The following CFAP61 variants were observed in gnomAD, a reference collection of about 807,000 sequenced individuals.
CFAP61 encodes cilia and flagella associated protein 61, also known as cilia- and flagella-associated protein 61.
Under a neutral mutation model 135.6 loss-of-function variants are expected in CFAP61, and 107 were observed. That is an observed-to-expected ratio of 0.79 (90% CI 0.67 to 0.93). CFAP61 has a LOEUF of 0.93. CFAP61 is among the 40% of genes least tolerant of loss of function. CFAP61 has a pLI of 0.00. For synonymous variants in CFAP61, 575 were observed against 578.5 expected, an observed-to-expected ratio of 0.99 and a Z score of 0.09; for missense variants, 1,507 against 1,556.2, an observed-to-expected ratio of 0.97 and a Z score of 0.53.
rs899400600 is a variant in CFAP61 at position 20,165,038 on chromosome 20, C to A, written c.1205+810C>A. On this transcript the variant is annotated intron_variant, in intron 11 of 26. Transcript: ENST00000245957. ...CTCCCACAGGGTCCCTCCCACAACA[C>A]GTGGGAATTATGGGAGCTACAATTC... Among the ~76,000 whole-genome samples, 4 of 152,152 alleles carry A rather than the reference C, an allele frequency of 2.6e-5. No homozygotes were observed. In the East Asian group the frequency reaches 7.7e-4, roughly 29 times the overall value.
intron 17 of CFAP61, among the ~76,000 whole-genome samples, chr20:20,200,402 A>T (rs752111406): frequency 6.6e-6 from 1 of 152,204 alleles, no homozygotes; most frequent in African/African-American, 2.4e-5. Context: ...ACAGAAGCAT[A>T]TGAGCTGCCC....
Position 20,074,378 on chromosome 20 carries a change from G to A in CFAP61, c.371G>A (p.Arg124Gln), listed in dbSNP as rs142713608. The change falls in exon 4 of 27, where the codon CGA becomes CAA. Residue 124 changes from arginine (R) to glutamine (Q), a missense_variant and splice_region_variant. Arg to Gln is a conservative substitution (Grantham distance 43). Coordinates refer to ENST00000245957, the MANE Select transcript of CFAP61 (RefSeq NM_015585.4). ...GTTGGCTGTTGCAAAGAGATTCTTC[G>A]GTGAGTGGATATGGCCGTGCAGTGG... ...YSVGCCKEIL[R>Q]TVYKAVPELH... is the part of the protein sequence containing the mutation. The A allele has an allele frequency of 5.7e-5, 92 of 1,613,410 alleles. No homozygotes were observed. The highest frequency in any genetic ancestry group is 1.0e-4 in the Admixed American group (6 of 59,992).
chr20:20,116,523 G>A (rs1411540816), intron 8 of CFAP61, among the ~76,000 whole-genome samples: 1 of 152,166 alleles, frequency 6.6e-6, no homozygotes, highest in East Asian at 1.9e-4. Context: ...ATGTCCTGGA[G>A]TGTTTCCCCA....
At chr20:20,199,722 C>T (rs1318828095) in intron 16 of CFAP61, 46 bp from the exon 17 acceptor site, 1 of 1,609,924 alleles carries the variant, frequency 6.2e-7, no homozygotes, top group African/African-American at 1.3e-5. Flanking sequence ...CTGTGCTGAG[C>T]CTCTCTGACA....
chr20:20,341,788 T>C, intron 25 of CFAP61, 43 bp from the exon 26 acceptor site: 1 of 1,391,168 alleles, frequency 7.2e-7, no homozygotes, highest in South Asian at 1.2e-5. Flanking sequence ...TTAGTGGTAA[T>C]GAGAGGGTTG....
chr20:20,298,311 T>G lies in CFAP61; in HGVS notation c.3347T>G (p.Leu1116Trp), dbSNP rs2055802933. The change falls in exon 25 of 27, where the codon TTG (leucine) becomes TGG (tryptophan). Residue 1116 changes from leucine (L) to tryptophan (W), a missense_variant. Leu to Trp is a moderately conservative substitution (Grantham distance 61). Coordinates refer to ENST00000245957, the MANE Select transcript of CFAP61 (RefSeq NM_015585.4). ...TTCCCCGCCTCCAACTACATCCGCT[T>G]GTTTGGCCAGCACGAGCAACTCCTC... ...EPFPASNYIR[L>W]FGQHEQLLNN... is the part of the protein sequence containing the mutation. The G allele has an allele frequency of 1.2e-6, 2 of 1,614,022 alleles. No homozygotes were observed. The highest frequency in any genetic ancestry group is 1.7e-6 in the Non-Finnish European group (2 of 1,180,024).
At chr20:20,326,505 CTG>C (rs1040596125) in intron 25 of CFAP61, among the ~76,000 whole-genome samples, 3 of 152,056 alleles carry the variant, frequency 2.0e-5, no homozygotes, top group Non-Finnish European at 2.9e-5. Context: ...ATCTGGAAAA[CTG>C]TGTGTGTGAT....
chr20:20,192,266 T>C (rs886724048), intron 15 of CFAP61, among the ~76,000 whole-genome samples: 1 of 152,092 alleles, frequency 6.6e-6, no homozygotes, highest in Non-Finnish European at 1.5e-5. Flanking sequence ...GCTTCTTTCA[T>C]GTGGTTTTCT....
chr20:20,353,744 CT>C (rs2058938870), intron 26 of CFAP61, among the ~76,000 whole-genome samples: 1 of 152,146 alleles, frequency 6.6e-6, no homozygotes, highest in Admixed American at 6.6e-5. Context: ...AAGGATCAAC[CT>C]CATGAATCAT....
intron 1 of CFAP61, 55 bp from the exon 2 acceptor site, chr20:20,056,563 G>T: frequency 8.5e-7 from 1 of 1,174,410 alleles, no homozygotes. Flanking sequence ...AATTGAATTA[G>T]TGTTCAGTTT....
Position 20,271,743 on chromosome 20 carries a change from C to G in CFAP61, c.2504-5423C>G, listed in dbSNP as rs531026545. 2.3e-4 allele frequency among the ~76,000 whole-genome samples: 35 copies of G among 152,302 alleles called. No homozygotes were observed. In the South Asian group the frequency reaches 7.3e-3, roughly 32 times the overall value. The stretch of plus-strand genomic sequence containing the variant: ...TCCCTTATCCTTTATGGGGAATCCA[C>G]CCAGAGTGTTCTTATCATTTGTTAT... On this transcript the variant is annotated intron_variant, in intron 21 of 26. Transcript: ENST00000245957.
At chr20:20,336,819 G>A (rs2058208584) in intron 25 of CFAP61, among the ~76,000 whole-genome samples, 1 of 152,090 alleles carries the variant, frequency 6.6e-6, no homozygotes, top group South Asian at 2.1e-4. Context: ...ACACACTCCA[G>A]CCCCCACCTC....
At chr20:20,350,490 G>A (rs541066758) in intron 26 of CFAP61, among the ~76,000 whole-genome samples, 7 of 152,114 alleles carry the variant, frequency 4.6e-5, no homozygotes, top group Non-Finnish European at 7.3e-5. Flanking sequence ...TTAGCCGGAC[G>A]TGATAGTGCA....
At chr20:20,274,802 T>G (rs2053620619) in intron 21 of CFAP61, among the ~76,000 whole-genome samples, 1 of 152,224 alleles carries the variant, frequency 6.6e-6, no homozygotes, top group South Asian at 2.1e-4. Context: ...CATGTTTTAT[T>G]TATTTAATAT....
intron 17 of CFAP61, among the ~76,000 whole-genome samples, chr20:20,210,099 A>G (rs893649085): frequency 6.6e-6 from 1 of 152,084 alleles, no homozygotes; most frequent in African/African-American, 2.4e-5. Flanking sequence ...TCATCCAGGA[A>G]GTTCCCTCAG....
intron 8 of CFAP61, among the ~76,000 whole-genome samples, chr20:20,102,370 C>T (rs1227671661): frequency 6.6e-6 from 1 of 152,218 alleles, no homozygotes; most frequent in African/African-American, 2.4e-5. Context: ...AGCTCCCTCA[C>T]TCCTCAGGTG....
chr20:20,293,117 A>T (rs1569253781), intron 24 of CFAP61, among the ~76,000 whole-genome samples: 1 of 152,250 alleles, frequency 6.6e-6, no homozygotes, highest in Non-Finnish European at 1.5e-5. Flanking sequence ...ACTCGAGTCT[A>T]ATATGCACAA....
At chr20:20,059,326 CA>C (rs11458923) in intron 2 of CFAP61, among the ~76,000 whole-genome samples, 5,102 of 44,826 alleles carry the variant, frequency 0.11, 11 homozygotes, top group South Asian at 0.22. Context: ...GACTCTGTCT[CA>C]AAAAAAAAAA....
intron 8 of CFAP61, among the ~76,000 whole-genome samples, chr20:20,107,041 A>G (rs1308575930): frequency 1.3e-5 from 2 of 152,172 alleles, no homozygotes; most frequent in African/African-American, 4.8e-5. Context: ...TTGAAAATCA[A>G]TTGCTTGCAC....
Sources: allele counts gnomAD v4.1 joint callset (sites outside exome capture counted in the v4.1 genomes callset), GRCh38; gene constraint gnomAD v4.1.1; transcripts MANE v1.5; gene names NCBI Gene and HGNC (gene_info 2026-07-23, HGNC 2026-07-21).